CELF2: variants seen among roughly 807,000 people sequenced by gnomAD.
CELF2 encodes the protein CUG triplet repeat RNA-binding protein 2.
In CELF2, 8 loss-of-function variants were observed where a neutral mutation model predicts 62.6. That is an observed-to-expected ratio of 0.13 (90% CI 0.07 to 0.23). The LOEUF (loss-of-function observed/expected upper bound fraction) is 0.23. Among genes scored for constraint, CELF2 ranks in the 10% least tolerant of loss-of-function variants. The pLI is 1.00. For missense variants in CELF2, 333 were observed against 671.0 expected, an observed-to-expected ratio of 0.50 and a Z score of 5.56; for synonymous variants, 258 against 250.0, an observed-to-expected ratio of 1.03 and a Z score of -0.30.
intron 2 of CELF2, among the ~76,000 whole-genome samples, chr10:11,197,684 G>A (rs973113696): frequency 3.3e-5 from 5 of 152,214 alleles, no homozygotes; most frequent in African/African-American, 1.2e-4. Context: ...TTACACGGTC[G>A]GTGGCAGAGG....
At chr10:10,745,957 G>A in the CELF2 span, among the ~76,000 whole-genome samples, 1 of 152,346 alleles carries the variant, frequency 6.6e-6, no homozygotes, top group Admixed American at 6.5e-5. Flanking sequence ...TGATGGCATA[G>A]GGATGGAAAT....
chr10:10,560,869 AC>A, the CELF2 span, among the ~76,000 whole-genome samples: 1 of 152,302 alleles, frequency 6.6e-6, no homozygotes, highest in East Asian at 1.9e-4. Context: ...ATTTTCAGTG[AC>A]CTGGATGAGA....
At chr10:10,801,712 G>A (rs780015146) in intron 1 of CELF2, among the ~76,000 whole-genome samples, 4 of 152,182 alleles carry the variant, frequency 2.6e-5, no homozygotes, top group South Asian at 2.1e-4. Flanking sequence ...TTAAACCCAC[G>A]TAACCTGGAA....
chr10:10,796,332 T>G (rs1197500060), upstream of CELF2, among the ~76,000 whole-genome samples: 2 of 152,232 alleles, frequency 1.3e-5, no homozygotes, highest in Non-Finnish European at 2.9e-5. Flanking sequence ...TAGTACCTAG[T>G]AATACACTTC....
intron 2 of CELF2, among the ~76,000 whole-genome samples, chr10:10,980,893 T>C (rs201098): frequency 0.15 from 22,424 of 152,228 alleles, 3,994 homozygotes; most frequent in African/African-American, 0.42. Context: ...TGTACTGTGA[T>C]TGCAGGCATG....
At chr10:11,283,311 A>G (rs2139324530) in intron 8 of CELF2, among the ~76,000 whole-genome samples, 1 of 152,098 alleles carries the variant, frequency 6.6e-6, no homozygotes, top group Non-Finnish European at 1.5e-5. Context: ...TTTCTTCCCC[A>G]CTCCCTGACA....
chr10:11,076,016 A>G (rs2040476292), intron 1 of CELF2, among the ~76,000 whole-genome samples: 1 of 152,098 alleles, frequency 6.6e-6, no homozygotes, highest in African/African-American at 2.4e-5. Flanking sequence ...AATTAAGAAC[A>G]TTAGTTTAAC....
chr10:10,493,756 T>C, the CELF2 span, among the ~76,000 whole-genome samples: 2 of 152,066 alleles, frequency 1.3e-5, no homozygotes, highest in Non-Finnish European at 2.9e-5. Flanking sequence ...GGTCTCAAAC[T>C]CCCGACCTCA....
chr10:10,849,608 A>G (rs1313241907), intron 1 of CELF2, among the ~76,000 whole-genome samples: 1 of 152,150 alleles, frequency 6.6e-6, no homozygotes, highest in East Asian at 1.9e-4. Flanking sequence ...TGTGTTTCCT[A>G]AAAACAAGGA....
At chr10:11,114,872 A>T (rs999314528) in intron 1 of CELF2, among the ~76,000 whole-genome samples, 2 of 152,176 alleles carry the variant, frequency 1.3e-5, no homozygotes, top group Non-Finnish European at 2.9e-5. Context: ...AAACATCACA[A>T]TTGTGTTTTC....
intron 7 of CELF2, 34 bp from the exon 8 acceptor site, chr10:11,275,023 C>T (rs747279268): frequency 2.4e-5 from 38 of 1,606,754 alleles, no homozygotes; most frequent in African/African-American, 2.3e-4. Context: ...TTGCTCTCAC[C>T]GTCTCCACTT....
At chr10:10,684,742 T>A in the CELF2 span, among the ~76,000 whole-genome samples, 1 of 152,048 alleles carries the variant, frequency 6.6e-6, no homozygotes, top group Non-Finnish European at 1.5e-5. Flanking sequence ...GGACCCTGTC[T>A]CAACAACAAC....
At chr10:11,002,274 C>T (rs752317015), upstream of CELF2, among the ~76,000 whole-genome samples, 1 of 152,152 alleles carries the variant, frequency 6.6e-6, no homozygotes, top group Non-Finnish European at 1.5e-5. The surrounding 1 kb of genome is among the most constrained non-coding windows in gnomAD (Gnocchi z 4.4). Context: ...TGGGGAAAAC[C>T]GCCCCTGTGA....
At chr10:11,058,535 C>A (rs1255510439) in intron 1 of CELF2, among the ~76,000 whole-genome samples, 1 of 135,210 alleles carries the variant, frequency 7.4e-6, no homozygotes, top group East Asian at 2.5e-4. Context: ...GGTGCGATCT[C>A]GACTCGCTGC....
At chr10:11,130,746 A>C (rs970110985) in intron 1 of CELF2, among the ~76,000 whole-genome samples, 2 of 152,216 alleles carry the variant, frequency 1.3e-5, no homozygotes, top group African/African-American at 4.8e-5. Flanking sequence ...ATTGTTGGGT[A>C]AGTGAAGATT....
At chr10:11,000,469 T>A (rs751041372), upstream of CELF2, among the ~76,000 whole-genome samples, 2 of 152,242 alleles carry the variant, frequency 1.3e-5, no homozygotes, top group Non-Finnish European at 2.9e-5. Context: ...TAAGGGGCTT[T>A]ACAATTAGTC....
intron 2 of CELF2, among the ~76,000 whole-genome samples, chr10:11,196,751 T>C (rs2057614210): frequency 6.7e-6 from 1 of 149,424 alleles, no homozygotes; most frequent in Non-Finnish European, 1.5e-5. Flanking sequence ...AGGTCAGGAG[T>C]TCAAGACCAG....
chr10:11,193,321 A>G (rs112565875), intron 2 of CELF2, among the ~76,000 whole-genome samples: 3 of 152,224 alleles, frequency 2.0e-5, no homozygotes, highest in Admixed American at 1.3e-4. Flanking sequence ...TCACCCATCA[A>G]TAGCAGTCTC....
chr10:10,574,631 CG>C, the CELF2 span, among the ~76,000 whole-genome samples: 2 of 152,052 alleles, frequency 1.3e-5, no homozygotes, highest in African/African-American at 4.8e-5. Flanking sequence ...TAAGTATTCT[CG>C]TATTTGTGAA....
Sources: gnomAD v4.1 joint callset for allele counts (sites outside exome capture counted in the v4.1 genomes callset) on GRCh38, gnomAD v4.1.1 for gene constraint, Gnocchi (gnomAD v3.1) non-coding constraint, MANE v1.5 for transcripts, NCBI Gene and HGNC (gene_info 2026-07-23, HGNC 2026-07-21) for gene names.